Variants in CTNNA3 observed in about 807,000 individuals in gnomAD.
CTNNA3 encodes catenin alpha 3.
CTNNA3 carries 76 observed loss-of-function variants against 95.7 expected under a neutral mutation model. That is an observed-to-expected ratio of 0.79 (90% CI 0.66 to 0.96). The LOEUF (loss-of-function observed/expected upper bound fraction) is 0.96, where lower values mean the gene tolerates loss of function less well. CTNNA3 is among the 40% of genes least tolerant of loss of function. The pLI is 0.00. For missense variants in CTNNA3, 1,191 were observed against 1,089.8 expected (o/e 1.09, Z -1.31); for synonymous variants, 431 against 374.4 (o/e 1.15, Z -1.74).
At position 66,444,442 on chromosome 10, in the gene CTNNA3, C is replaced by A. The variant is rs186691064; in HGVS notation, c.1532-65090G>T. Among the ~76,000 whole-genome samples the A allele has an allele frequency of 0.018, 2,763 of 152,174 alleles. 197 individuals are homozygous for A. The East Asian group carries it at 0.24, about 13-fold the overall frequency. Reference sequence around the variant, plus strand: ...CCAGAGAGAAAGGTTGGGTTACCCACAAAGGGAAAGCCATCAGACTAACAG... The same window carrying A: ...CCAGAGAGAAAGGTTGGGTTACCCAAAAAGGGAAAGCCATCAGACTAACAG... On this transcript the variant is annotated intron_variant, in intron 11 of 17. Transcript: ENST00000433211.
chr10:66,164,573 C>T (rs1484009751), intron 13 of CTNNA3, among the ~76,000 whole-genome samples: 1 of 151,618 alleles, frequency 6.6e-6, no homozygotes, highest in African/African-American at 2.4e-5. Flanking sequence ...GCAATAAGAG[C>T]CAAATTAACA....
chr10:67,704,645 T>G (rs1177901966), intron 1 of CTNNA3, among the ~76,000 whole-genome samples: 3 of 152,172 alleles, frequency 2.0e-5, no homozygotes, highest in Non-Finnish European at 4.4e-5. Context: ...ATTAAAGACT[T>G]ACATGTTAGA....
chr10:66,451,831 A>C (rs2131825641), intron 11 of CTNNA3, among the ~76,000 whole-genome samples: 1 of 152,298 alleles, frequency 6.6e-6, no homozygotes, highest in East Asian at 1.9e-4. Flanking sequence ...AGCAAATGCT[A>C]ACTCCTACTT....
chr10:67,388,080 GAGA>G (rs1257650350), intron 5 of CTNNA3, among the ~76,000 whole-genome samples: 1 of 150,484 alleles, frequency 6.6e-6, no homozygotes, highest in East Asian at 2.0e-4. Context: ...GACGAGCTGA[GAGA>G]AGAAGGCTTC....
rs183686937 is a variant in CTNNA3, at chr10:67,745,313, G to A, written c.-2+18121C>T. 2.3e-4 allele frequency among the ~76,000 whole-genome samples: 35 copies of A among 152,156 alleles called. 2 individuals are homozygous for A. In the East Asian group the frequency reaches 6.6e-3, roughly 29 times the overall value. ...AGAAAATTTGGCACATATACACCAT[G>A]GAATACCATGCAGCCATAAAAAATG... On this transcript the variant is annotated intron_variant, in intron 1 of 17. Transcript: ENST00000684154.
intron 17 of CTNNA3, among the ~76,000 whole-genome samples, chr10:65,960,860 T>C (rs1400888817): frequency 6.6e-6 from 1 of 152,260 alleles, no homozygotes; most frequent in African/African-American, 2.4e-5. Context: ...TAAATTCTTT[T>C]ATATGACTGC....
chr10:66,086,398 C>T (rs2080985291), intron 14 of CTNNA3, among the ~76,000 whole-genome samples: 1 of 152,110 alleles, frequency 6.6e-6, no homozygotes, highest in East Asian at 1.9e-4. Flanking sequence ...CAAGTCACAT[C>T]TATAGTAATT....
chr10:66,897,269 T>C (rs545353506), intron 7 of CTNNA3, among the ~76,000 whole-genome samples: 2 of 152,240 alleles, frequency 1.3e-5, no homozygotes, highest in African/African-American at 4.8e-5. Flanking sequence ...TGTGTGTATG[T>C]GTGTACATAT....
At chr10:66,115,812 A>G (rs2082321545) in intron 13 of CTNNA3, among the ~76,000 whole-genome samples, 1 of 152,092 alleles carries the variant, frequency 6.6e-6, no homozygotes, top group Non-Finnish European at 1.5e-5. Flanking sequence ...GATAAGCAGG[A>G]CGGCCAAAAC....
intron 7 of CTNNA3, among the ~76,000 whole-genome samples, chr10:67,014,039 AG>A (rs554243063): frequency 0.016 from 2,467 of 152,292 alleles, 83 homozygotes; most frequent in African/African-American, 0.055. Context: ...CAGAGACAAA[AG>A]GGGGAGTGTA....
intron 7 of CTNNA3, among the ~76,000 whole-genome samples, chr10:67,140,060 T>C (rs186292323): frequency 6.6e-6 from 1 of 152,334 alleles, no homozygotes; most frequent in Admixed American, 6.5e-5. Flanking sequence ...GAAAATCTCT[T>C]ACTAAAGAAA....
At chr10:66,345,852 G>C (rs1310781930) in intron 12 of CTNNA3, among the ~76,000 whole-genome samples, 1 of 151,798 alleles carries the variant, frequency 6.6e-6, no homozygotes, top group Non-Finnish European at 1.5e-5. Context: ...AAGGCGGGTG[G>C]ATCACCTGAG....
At chr10:66,499,845 C>A (rs1840219690) in intron 11 of CTNNA3, among the ~76,000 whole-genome samples, 1 of 150,428 alleles carries the variant, frequency 6.6e-6, no homozygotes, top group Non-Finnish European at 1.5e-5. Flanking sequence ...CTCTGTTGCC[C>A]AGGCTGGAGT....
chr10:65,978,068 C>T (rs1564553661), intron 16 of CTNNA3, among the ~76,000 whole-genome samples: 1 of 150,858 alleles, frequency 6.6e-6, no homozygotes, highest in Non-Finnish European at 1.5e-5. Context: ...CTTTTAATGC[C>T]TTTTTTTTTC....
intron 14 of CTNNA3, among the ~76,000 whole-genome samples, chr10:66,080,788 T>A (rs1041815653): frequency 6.6e-6 from 1 of 152,122 alleles, no homozygotes; most frequent in Non-Finnish European, 1.5e-5. Flanking sequence ...TTAGTGGAGA[T>A]GGTCAATGTC....
chr10:67,601,600 T>C (rs775949629), intron 3 of CTNNA3, among the ~76,000 whole-genome samples: 35 of 152,264 alleles, frequency 2.3e-4, no homozygotes, highest in Middle Eastern at 3.4e-3. Flanking sequence ...ATAGAAACTA[T>C]ATAAAGGTAG....
chr10:67,058,964 T>G (rs1271051369), intron 7 of CTNNA3, among the ~76,000 whole-genome samples: 1 of 152,212 alleles, frequency 6.6e-6, no homozygotes, highest in African/African-American at 2.4e-5. Context: ...AAGAAATTAT[T>G]TTTATCATGA....
At chr10:66,813,864 G>T (rs1192292967) in intron 7 of CTNNA3, among the ~76,000 whole-genome samples, 1 of 151,908 alleles carries the variant, frequency 6.6e-6, no homozygotes, top group Non-Finnish European at 1.5e-5. Context: ...GTGTGTGTGT[G>T]TGTGTGTTTG....
At position 66,983,919 on chromosome 10, in the gene CTNNA3, C is replaced by T. The variant is rs182396944; in HGVS notation, c.1047+196398G>A. Among the ~76,000 whole-genome samples the T allele has an allele frequency of 1.3e-3, 198 of 152,304 alleles. No individual in the cohort carries two copies. The Middle Eastern group carries it at 0.024, about 18-fold the overall frequency. ...GGCTCTATGCTAAGTCCTTTGCATG[C>T]ACTATGTCATTTAATTCTTAGAACA... On this transcript the variant is annotated intron_variant, in intron 7 of 17. Transcript: ENST00000433211.
Sources: allele counts gnomAD v4.1 joint callset (sites outside exome capture counted in the v4.1 genomes callset), GRCh38; gene constraint gnomAD v4.1.1; transcripts MANE v1.5; gene names NCBI Gene and HGNC (gene_info 2026-07-23, HGNC 2026-07-21).